KDM4C: variants seen among roughly 807,000 people sequenced by gnomAD.
The protein encoded by KDM4C is lysine demethylase 4C.
In KDM4C, 81 loss-of-function variants were observed where a neutral mutation model predicts 129.3. The observed-to-expected ratio is 0.63, with a 90% CI of 0.52 to 0.75. The LOEUF is 0.75. KDM4C is among the 30% of genes least tolerant of loss of function. KDM4C has a pLI of 0.00. For synonymous variants in KDM4C, 573 were observed against 456.1 expected (o/e 1.26, Z -3.26); for missense variants, 1,457 against 1,304.0 (o/e 1.12, Z -1.81).
At chr9:6,933,890 C>T (rs1353541292) in intron 8 of KDM4C, among the ~76,000 whole-genome samples, 2 of 139,712 alleles carry the variant, frequency 1.4e-5, no homozygotes, top group Non-Finnish European at 3.3e-5. Context: ...CACTTTGTCA[C>T]CCAGGCTGAA....
chr9:6,974,600 T>TGCCC (rs1341091128), intron 8 of KDM4C, among the ~76,000 whole-genome samples: 22 of 152,258 alleles, frequency 1.4e-4, no homozygotes, highest in African/African-American at 5.3e-4. Flanking sequence ...TCAGGTGCTC[T>TGCCC]GCCCGCTTCG....
At chr9:6,991,366 T>C (rs1227199742) in intron 12 of KDM4C, among the ~76,000 whole-genome samples, 2 of 152,214 alleles carry the variant, frequency 1.3e-5, no homozygotes, top group African/African-American at 4.8e-5. Flanking sequence ...TTATAAGCAT[T>C]AGCCACTGCA....
intron 15 of KDM4C, among the ~76,000 whole-genome samples, chr9:7,033,344 G>A (rs1827101987): frequency 6.6e-6 from 1 of 152,040 alleles, no homozygotes; most frequent in Non-Finnish European, 1.5e-5. Context: ...TCCCTACTGT[G>A]GTGTCTCTTA....
chr9:6,737,498 T>TAA (rs113407900), intron 1 of KDM4C, among the ~76,000 whole-genome samples: 23 of 150,060 alleles, frequency 1.5e-4, no homozygotes, highest in African/African-American at 2.7e-4. Context: ...CCATCTCTAC[T>TAA]AAAAAAAATA....
rs565578281 is a variant in KDM4C, at chr9:6,818,007, T to C, written c.435+3262T>C. ...GTCTCAATCTCCTGACCTTGTGATC[T>C]GCCTACCTCAGCCTTCCAAAGTGCT... On this transcript the variant is annotated intron_variant, in intron 4 of 21. Coordinates refer to ENST00000381309, the MANE Select transcript of KDM4C (RefSeq NM_015061.6). 2.8e-4 allele frequency among the ~76,000 whole-genome samples: 43 copies of C among 152,036 alleles called. 1 individual carries two copies. Among genetic ancestry groups the C allele is most frequent in the African/African-American group, 9.9e-4 (41 of 41,482 alleles).
At chr9:6,983,689 C>G (rs1019502375) in intron 9 of KDM4C, among the ~76,000 whole-genome samples, 2 of 151,654 alleles carry the variant, frequency 1.3e-5, no homozygotes, top group Non-Finnish European at 2.9e-5. Flanking sequence ...TTCATACATA[C>G]CTGACAATTA....
chr9:6,971,347 A>G (rs1352350202), intron 8 of KDM4C, among the ~76,000 whole-genome samples: 1 of 152,206 alleles, frequency 6.6e-6, no homozygotes, highest in African/African-American at 2.4e-5. Flanking sequence ...TTTGGATTTA[A>G]ATATATTAAA....
chr9:7,108,675 G>T (rs562659300), intron 18 of KDM4C, among the ~76,000 whole-genome samples: 1 of 152,166 alleles, frequency 6.6e-6, no homozygotes, highest in Non-Finnish European at 1.5e-5. Context: ...AGGGCTCAAA[G>T]CAAGGGCTCT....
chr9:7,039,039 A>G (rs562342361), intron 15 of KDM4C, among the ~76,000 whole-genome samples: 3 of 152,048 alleles, frequency 2.0e-5, no homozygotes, highest in Middle Eastern at 3.4e-3. Context: ...TGATTTTTAA[A>G]TTTTGATATG....
chr9:7,035,051 T>G (rs190640600), intron 15 of KDM4C, among the ~76,000 whole-genome samples: 1 of 152,150 alleles, frequency 6.6e-6, no homozygotes, highest in African/African-American at 2.4e-5. Context: ...TCACTTCCAT[T>G]GCCCAGGCTG....
chr9:6,896,647 A>C (rs1421960478), intron 8 of KDM4C, among the ~76,000 whole-genome samples: 1 of 152,188 alleles, frequency 6.6e-6, no homozygotes, highest in Non-Finnish European at 1.5e-5. Context: ...TCATAAGTCA[A>C]CAGGCTTTGT....
At chr9:6,751,403 A>T (rs1213185014) in intron 1 of KDM4C, among the ~76,000 whole-genome samples, 1 of 152,096 alleles carries the variant, frequency 6.6e-6, no homozygotes, top group Non-Finnish European at 1.5e-5. Flanking sequence ...CCAAGATTGC[A>T]CCACTGCGCT....
rs936492960 is a variant in KDM4C, at chr9:6,948,791, C to T, written c.922-32134C>T. Among the ~76,000 whole-genome samples, 100 of 152,044 alleles carry T rather than the reference C, an allele frequency of 6.6e-4. 1 individual carries two copies. Among genetic ancestry groups the T allele is most frequent in the South Asian group, 8.3e-4 (4 of 4,812 alleles). On this transcript the variant is annotated intron_variant, in intron 8 of 21. Coordinates refer to ENST00000381309, the MANE Select transcript of KDM4C (RefSeq NM_015061.6). The stretch of plus-strand genomic sequence containing the variant: ...ACACAGCACATGTTTCAGAGAGCAC[C>T]GGGTTGGGGGTAAGGTCATAGATCA...
chr9:7,006,453 G>A (rs1293076338), intron 12 of KDM4C, among the ~76,000 whole-genome samples: 1 of 152,064 alleles, frequency 6.6e-6, no homozygotes, highest in Non-Finnish European at 1.5e-5. Context: ...CCTTTGAGGT[G>A]TTTGAAAAAC....
chr9:7,009,612 C>G (rs1394025143), intron 12 of KDM4C, among the ~76,000 whole-genome samples: 3 of 152,158 alleles, frequency 2.0e-5, no homozygotes, highest in Non-Finnish European at 4.4e-5. Context: ...GAGACACCAA[C>G]AATTTTACTC....
intron 15 of KDM4C, among the ~76,000 whole-genome samples, chr9:7,019,079 A>G (rs539817876): frequency 6.6e-6 from 1 of 152,230 alleles, no homozygotes; most frequent in South Asian, 2.1e-4. Flanking sequence ...CTCCCTTCCT[A>G]TTTCTGTTGA....
Position 6,773,066 on chromosome 9 carries a change from C to T in KDM4C, c.-18+14863C>T, listed in dbSNP as rs140528357. Among the ~76,000 whole-genome samples the T allele has an allele frequency of 3.2e-3, 484 of 151,960 alleles. 1 individual carries two copies. Among genetic ancestry groups the T allele is most frequent in the African/African-American group, 0.011 (468 of 41,432 alleles). The stretch of plus-strand genomic sequence containing the variant: ...TCAGGCTAGAGTGGAGTGGTGAGAT[C>T]ATGGCTCACTGCAGCCTCGACCTCC... On this transcript the variant is annotated intron_variant, in intron 1 of 21. Coordinates refer to ENST00000381309, the MANE Select transcript of KDM4C (RefSeq NM_015061.6).
intron 1 of KDM4C, chr9:6,726,944 A>G (rs1446711640): frequency 6.6e-6 from 1 of 152,134 alleles, no homozygotes; most frequent in East Asian, 1.9e-4. Context: ...CATGTTGGCC[A>G]GGCTGGTCTC....
intron 8 of KDM4C, among the ~76,000 whole-genome samples, chr9:6,903,864 T>C (rs1018102464): frequency 6.6e-6 from 1 of 151,326 alleles, no homozygotes; most frequent in African/African-American, 2.4e-5. Context: ...CATATATCTG[T>C]ATCTTTTCGA....
Sources: allele counts gnomAD v4.1 joint callset (sites outside exome capture counted in the v4.1 genomes callset), GRCh38; gene constraint gnomAD v4.1.1; transcripts MANE v1.5; gene names NCBI Gene and HGNC (gene_info 2026-07-23, HGNC 2026-07-21).